Variants in ZFHX3 observed in about 807,000 individuals in gnomAD.
ZFHX3 encodes zinc finger homeobox protein 3.
Under a neutral mutation model 279.1 loss-of-function variants are expected in ZFHX3, and 42 were observed. That is an observed-to-expected ratio of 0.15 (90% CI 0.12 to 0.19). ZFHX3 has a LOEUF of 0.19. ZFHX3 is among the 10% of genes least tolerant of loss of function. ZFHX3 has a pLI of 1.00. For missense variants in ZFHX3, 4,981 were observed against 4,754.0 expected (o/e 1.05, Z -1.40); for synonymous variants, 2,293 against 1,957.8 (o/e 1.17, Z -4.52).
intron 2 of ZFHX3, chr16:73,679,761 C>A (rs895756334): frequency 6.6e-6 from 1 of 152,268 alleles, no homozygotes; most frequent in Admixed American, 6.5e-5. Flanking sequence ...TCATGTGGTA[C>A]TTTACCAAGA....
At chr16:73,694,951 G>C (rs1267955172) in intron 1 of ZFHX3, among the ~76,000 whole-genome samples, 3 of 152,184 alleles carry the variant, frequency 2.0e-5, no homozygotes, top group Non-Finnish European at 4.4e-5. Context: ...AACTCCAAAA[G>C]CCAAGTACTC....
chr16:73,102,504 T>C, intron 7 of ZFHX3, among the ~76,000 whole-genome samples: 1 of 152,220 alleles, frequency 6.6e-6, no homozygotes, highest in Admixed American at 6.5e-5. Context: ...ATTGAACAGG[T>C]GAATTTCTTA....
At chr16:73,451,139 G>T (rs79139042) in intron 3 of ZFHX3, among the ~76,000 whole-genome samples, 2,133 of 152,292 alleles carry the variant, frequency 0.014, 47 homozygotes, top group African/African-American at 0.049. Context: ...TGGGTGAGAT[G>T]AGATCAGTCA....
At chr16:73,835,774 A>G (rs2035885) in intron 1 of ZFHX3, among the ~76,000 whole-genome samples, 2,723 of 152,054 alleles carry the variant, frequency 0.018, 90 homozygotes, top group African/African-American at 0.062. Flanking sequence ...CCCGGCCTCC[A>G]CTTTCTTTTT....
intron 3 of ZFHX3, among the ~76,000 whole-genome samples, chr16:73,417,988 C>CAAAAA (rs71156161): frequency 1.6e-4 from 9 of 57,822 alleles, no homozygotes; most frequent in Admixed American, 2.7e-4. Flanking sequence ...GACTCCATCT[C>CAAAAA]AAAAAAAAAA....
intron 1 of ZFHX3, among the ~76,000 whole-genome samples, chr16:73,040,102 C>G (rs1163370262): frequency 6.6e-6 from 1 of 152,142 alleles, no homozygotes; most frequent in Non-Finnish European, 1.5e-5. Flanking sequence ...GGCAGGCTCC[C>G]CCACAAGCAA....
At chr16:73,263,049 C>T (rs1030408601) in intron 4 of ZFHX3, among the ~76,000 whole-genome samples, 6 of 152,160 alleles carry the variant, frequency 3.9e-5, no homozygotes, top group African/African-American at 1.4e-4. Context: ...TCCCAGCCAC[C>T]CCAAGGAACC....
chr16:72,958,748 TTCCTCC>T lies in ZFHX3; in HGVS notation c.1392_1397del (p.Glu470_Glu471del). 6.2e-7 allele frequency: 1 copy of T among 1,612,972 alleles called. No homozygotes were observed. The highest frequency in any genetic ancestry group is 1.3e-5 in the African/African-American group (1 of 74,986). On this transcript the variant is annotated inframe_deletion, in exon 2 of 10. Transcript: ENST00000268489. ...CCTCCTCCGCCTCTTCCTCCTCCTC[TTCCTCC>T]TCCGCCTCCTCTTCGGCTGGCTCTA... is the stretch of plus-strand genomic sequence containing the variant.
intron 4 of ZFHX3, among the ~76,000 whole-genome samples, chr16:72,866,263 G>C (rs1357538045): frequency 6.6e-6 from 1 of 152,164 alleles, no homozygotes; most frequent in East Asian, 1.9e-4. Context: ...CTATGTGCCA[G>C]GCTCCACACT....
At chr16:73,608,430 C>T (rs1285440535) in intron 2 of ZFHX3, among the ~76,000 whole-genome samples, 1 of 152,184 alleles carries the variant, frequency 6.6e-6, no homozygotes, top group Non-Finnish European at 1.5e-5. Flanking sequence ...CAGCTGACTG[C>T]TTTGAAGGAA....
chr16:73,207,211 C>A (rs1379354662), intron 5 of ZFHX3, among the ~76,000 whole-genome samples: 1 of 152,006 alleles, frequency 6.6e-6, no homozygotes, highest in Non-Finnish European at 1.5e-5. Context: ...AACTTAAACC[C>A]AGAGGAAAGA....
At chr16:72,913,969 G>A (rs940907584) in intron 3 of ZFHX3, among the ~76,000 whole-genome samples, 4 of 152,182 alleles carry the variant, frequency 2.6e-5, no homozygotes, top group Admixed American at 6.5e-5. Flanking sequence ...GATGGCACAA[G>A]ATTACAACAA....
chr16:73,143,115 C>G (rs1022553632), intron 6 of ZFHX3, among the ~76,000 whole-genome samples: 1 of 151,814 alleles, frequency 6.6e-6, no homozygotes, highest in Non-Finnish European at 1.5e-5. Context: ...AATAAGCCAA[C>G]CTTGTTTCCC....
At chr16:72,808,319 C>A (rs2143561409) in intron 7 of ZFHX3, among the ~76,000 whole-genome samples, 2 of 152,236 alleles carry the variant, frequency 1.3e-5, no homozygotes, top group East Asian at 3.9e-4. Flanking sequence ...CCCACAAATT[C>A]CCTCTAACCC....
chr16:73,580,508 C>CAAAAA (rs1555525963), intron 2 of ZFHX3, among the ~76,000 whole-genome samples: 30 of 140,200 alleles, frequency 2.1e-4, no homozygotes, highest in East Asian at 6.3e-4. Flanking sequence ...AACAAACAAA[C>CAAAAA]AAAAAAAAAA....
intron 1 of ZFHX3, among the ~76,000 whole-genome samples, chr16:73,035,203 T>C (rs559501564): frequency 6.6e-6 from 1 of 152,354 alleles, no homozygotes; most frequent in East Asian, 1.9e-4. Flanking sequence ...TTAATATTGA[T>C]TACCTGTGGA....
intron 3 of ZFHX3, among the ~76,000 whole-genome samples, chr16:73,348,597 G>A (rs1213821484): frequency 5.3e-5 from 8 of 152,226 alleles, no homozygotes; most frequent in South Asian, 2.1e-4. Flanking sequence ...AGACTCTGGC[G>A]TTCAGAGGAT....
intron 4 of ZFHX3, among the ~76,000 whole-genome samples, chr16:72,873,442 T>C (rs2038217539): frequency 6.6e-6 from 1 of 152,244 alleles, no homozygotes; most frequent in Non-Finnish European, 1.5e-5. Flanking sequence ...AGGTACGTTC[T>C]TTCATTTTAT....
intron 3 of ZFHX3, among the ~76,000 whole-genome samples, chr16:73,373,403 G>A (rs1334639419): frequency 6.6e-6 from 1 of 152,212 alleles, no homozygotes; most frequent in Non-Finnish European, 1.5e-5. Context: ...GTCCTCAGGA[G>A]ATGGACCTTT....
Sources: allele counts gnomAD v4.1 joint callset (sites outside exome capture counted in the v4.1 genomes callset), GRCh38; gene constraint gnomAD v4.1.1; transcripts MANE v1.5; gene names NCBI Gene and HGNC (gene_info 2026-07-23, HGNC 2026-07-21).